DDX10: variants seen among roughly 807,000 people sequenced by gnomAD.
DDX10 encodes probable ATP-dependent RNA helicase DDX10.
A neutral mutation model predicts 104.3 loss-of-function variants in DDX10; 74 were observed. The observed-to-expected ratio is 0.71, with a 90% confidence interval of 0.59 to 0.86. The LOEUF is 0.86. DDX10 is among the 40% of genes least tolerant of loss of function. The pLI, the probability that DDX10 is intolerant of heterozygous loss-of-function variation, is 0.00. For synonymous variants in DDX10, 351 were observed against 353.4 expected, an observed-to-expected ratio of 0.99 and a Z score of 0.08; for missense variants, 952 against 1,040.0, an observed-to-expected ratio of 0.92 and a Z score of 1.16.
At chr11:108,850,868 C>T (rs1246635733) in intron 15 of DDX10, among the ~76,000 whole-genome samples, 1 of 152,106 alleles carries the variant, frequency 6.6e-6, no homozygotes, top group Non-Finnish European at 1.5e-5. Flanking sequence ...AGGCAAGTTA[C>T]TTAGTTACTT....
chr11:108,841,289 G>T lies in DDX10; in HGVS notation c.2086-26G>T. ...TCTGGGGTATTCCCTACTTCCTGTT[G>T]ACACTGACCTTTTTTTTACCTGTAG... On this transcript the variant is annotated intron_variant, in intron 14 of 17. Coordinates refer to ENST00000322536, the MANE Select transcript of DDX10 (RefSeq NM_004398.4). 3 of 1,605,702 alleles carry T rather than the reference G, an allele frequency of 1.9e-6. No individual in the cohort carries two copies. The South Asian group carries it at 3.4e-5, about 18-fold the overall frequency.
intron 16 of DDX10, among the ~76,000 whole-genome samples, chr11:108,861,751 A>T (rs1862944256): frequency 6.6e-6 from 1 of 152,142 alleles, no homozygotes; most frequent in Admixed American, 6.5e-5. Flanking sequence ...AAAACTCATC[A>T]AGCTATAAGC....
intron 16 of DDX10, among the ~76,000 whole-genome samples, chr11:108,897,687 CTT>C (rs547208695): frequency 6.9e-6 from 1 of 144,776 alleles, no homozygotes; most frequent in Admixed American, 6.9e-5. Flanking sequence ...CTGATTTCTG[CTT>C]TTTTTTTTTA....
At chr11:108,862,801 C>T (rs1591100473) in intron 16 of DDX10, among the ~76,000 whole-genome samples, 1 of 151,556 alleles carries the variant, frequency 6.6e-6, no homozygotes, top group African/African-American at 2.4e-5. Context: ...GATCTCTACT[C>T]TTCATGCTAT....
chr11:108,794,241 T>G (rs892440823), intron 13 of DDX10, among the ~76,000 whole-genome samples: 7 of 151,204 alleles, frequency 4.6e-5, no homozygotes, highest in African/African-American at 1.5e-4. Context: ...TATTTTTAGT[T>G]TTTTTTTTTG....
chr11:108,727,197 C>T (rs1350059890), intron 13 of DDX10, among the ~76,000 whole-genome samples: 1 of 151,934 alleles, frequency 6.6e-6, no homozygotes, highest in Non-Finnish European at 1.5e-5. Flanking sequence ...TATGTTTTGC[C>T]AGCATAGAGG....
chr11:108,818,705 C>T (rs1282326799), intron 13 of DDX10, among the ~76,000 whole-genome samples: 1 of 152,142 alleles, frequency 6.6e-6, no homozygotes, highest in Admixed American at 6.5e-5. Flanking sequence ...AAGAAACAGT[C>T]TAGAATATGC....
chr11:108,769,827 T>C (rs1356040110), intron 13 of DDX10, among the ~76,000 whole-genome samples: 2 of 152,184 alleles, frequency 1.3e-5, no homozygotes, highest in African/African-American at 4.8e-5. Context: ...CCTATTGATA[T>C]TTACTGTATC....
intron 16 of DDX10, among the ~76,000 whole-genome samples, chr11:108,888,645 T>C (rs1162991730): frequency 1.3e-5 from 2 of 152,332 alleles, no homozygotes; most frequent in South Asian, 4.1e-4. Flanking sequence ...ACCTATGTCC[T>C]TTCCTAATTG....
At chr11:108,867,126 A>G (rs1160833261) in intron 16 of DDX10, among the ~76,000 whole-genome samples, 1 of 152,212 alleles carries the variant, frequency 6.6e-6, no homozygotes, top group Non-Finnish European at 1.5e-5. Context: ...AAAAGGAAAC[A>G]TTAAGTCACA....
intron 13 of DDX10, among the ~76,000 whole-genome samples, chr11:108,826,942 G>A (rs1027055140): frequency 2.6e-5 from 4 of 152,128 alleles, no homozygotes; most frequent in Non-Finnish European, 4.4e-5. Context: ...ATAGAAATTC[G>A]AAAGGCAAAT....
intron 13 of DDX10, among the ~76,000 whole-genome samples, chr11:108,733,716 T>C (rs1362293183): frequency 6.6e-6 from 1 of 152,176 alleles, no homozygotes; most frequent in Non-Finnish European, 1.5e-5. Flanking sequence ...CCACTTACAC[T>C]GCCATTCTGC....
At chr11:108,684,034 C>T (rs55669514) in intron 6 of DDX10, among the ~76,000 whole-genome samples, 5 of 151,556 alleles carry the variant, frequency 3.3e-5, no homozygotes, top group Non-Finnish European at 5.9e-5. Context: ...TCCCAAACTT[C>T]GCTAGTAGAT....
At chr11:108,696,314 C>G (rs1433281170) in intron 9 of DDX10, among the ~76,000 whole-genome samples, 1 of 152,114 alleles carries the variant, frequency 6.6e-6, no homozygotes, top group Non-Finnish European at 1.5e-5. Context: ...GTAGCTGGGA[C>G]TATAGGCGCG....
intron 16 of DDX10, among the ~76,000 whole-genome samples, chr11:108,892,493 G>A (rs2134641076): frequency 6.6e-6 from 1 of 152,194 alleles, no homozygotes; most frequent in Admixed American, 6.5e-5. Flanking sequence ...CATATCCTTT[G>A]CCATTAATAT....
chr11:108,870,895 T>G (rs1038040158), intron 16 of DDX10, among the ~76,000 whole-genome samples: 2 of 152,210 alleles, frequency 1.3e-5, no homozygotes, highest in Non-Finnish European at 2.9e-5. Context: ...AAGCAGTAAC[T>G]CTTTAATACA....
chr11:108,880,075 A>G (rs1342529531), intron 16 of DDX10, among the ~76,000 whole-genome samples: 34 of 152,238 alleles, frequency 2.2e-4, no homozygotes, highest in Non-Finnish European at 4.4e-5. Flanking sequence ...TCATAAAAAT[A>G]TACTTCAGAC....
chr11:108,897,100 C>T (rs73560813), intron 16 of DDX10, among the ~76,000 whole-genome samples: 1,723 of 152,174 alleles, frequency 0.011, 31 homozygotes, highest in African/African-American at 0.039. Flanking sequence ...TTCCAAGTGA[C>T]TCAACACCAA....
intron 13 of DDX10, among the ~76,000 whole-genome samples, chr11:108,735,615 T>C (rs542609782): frequency 6.6e-6 from 1 of 152,180 alleles, no homozygotes; most frequent in East Asian, 1.9e-4. Context: ...ATGAAAACAG[T>C]ATGAAACTTG....
Sources: gnomAD v4.1 joint callset for allele counts (sites outside exome capture counted in the v4.1 genomes callset) on GRCh38, gnomAD v4.1.1 for gene constraint, MANE v1.5 for transcripts, NCBI Gene and HGNC (gene_info 2026-07-23, HGNC 2026-07-21) for gene names.